Variants in FBXL7 observed in about 807,000 individuals in gnomAD.
The protein encoded by FBXL7 is F-box and leucine rich repeat protein 7.
In FBXL7, 12 loss-of-function variants were observed where a neutral mutation model predicts 38.3. That is an observed-to-expected ratio of 0.31 (90% CI 0.20 to 0.51). The LOEUF is 0.51. Among genes scored for constraint, FBXL7 ranks in the 20% least tolerant of loss-of-function variants. The probability of loss-of-function intolerance (pLI) is 0.98; values close to 1 mark genes in which losing one functional copy is unlikely to be tolerated. For synonymous variants in FBXL7, 297 were observed against 300.9 expected (o/e 0.99, Z 0.13); for missense variants, 567 against 676.4 (o/e 0.84, Z 1.79).
intron 2 of FBXL7, among the ~76,000 whole-genome samples, chr5:15,620,819 G>A (rs951491510): frequency 1.3e-5 from 2 of 152,202 alleles, no homozygotes; most frequent in African/African-American, 4.8e-5. Context: ...TTGTGAGATT[G>A]TAGAGTCATG....
rs541575618 is a variant in FBXL7 at position 15,604,183 on chromosome 5, A to G, written c.38-11800A>G. ...CTCTGTCTCCAAAAAAATAAAAGGG[A>G]GGACTGTGTGAAAGTCATGTTCTTT... On this transcript the variant is annotated intron_variant, in intron 1 of 3. Coordinates refer to ENST00000504595, the MANE Select transcript of FBXL7 (RefSeq NM_012304.5). Among the ~76,000 whole-genome samples the G allele has an allele frequency of 5.3e-5, 8 of 152,214 alleles. No individual in the cohort carries two copies. In the South Asian group the frequency reaches 1.7e-3, roughly 32 times the overall value.
intron 2 of FBXL7, among the ~76,000 whole-genome samples, chr5:15,740,649 T>C (rs1735872114): frequency 6.6e-6 from 1 of 152,202 alleles, no homozygotes; most frequent in South Asian, 2.1e-4. Flanking sequence ...TGCTGGCAAA[T>C]GGTTGTGTTT....
intron 2 of FBXL7, among the ~76,000 whole-genome samples, chr5:15,651,088 C>CTTT (rs547135923): frequency 7.0e-6 from 1 of 142,134 alleles, no homozygotes. Flanking sequence ...AAACATACTT[C>CTTT]TTTTTTTTTT....
intron 1 of FBXL7, among the ~76,000 whole-genome samples, chr5:15,524,248 A>G (rs1580351200): frequency 6.6e-6 from 1 of 152,226 alleles, no homozygotes; most frequent in Admixed American, 6.5e-5. Flanking sequence ...AGGATTGATG[A>G]CATTGACCAT....
chr5:15,913,440 A>G (rs1741497058), intron 2 of FBXL7, among the ~76,000 whole-genome samples: 1 of 152,162 alleles, frequency 6.6e-6, no homozygotes, highest in Non-Finnish European at 1.5e-5. Context: ...CTAATTACTT[A>G]TTGATCTTTT....
rs35242245 is a variant in FBXL7 at position 15,630,853 on chromosome 5, ATT to A, written c.127+14791_127+14792del. Among the ~76,000 whole-genome samples the A allele has an allele frequency of 3.4e-3, 503 of 149,582 alleles. 3 individuals are homozygous for A. Among genetic ancestry groups the A allele is most frequent in the African/African-American group, 0.011 (445 of 40,932 alleles). ...AAAGCTGTGAAACAAAAATTTTGAG[ATT>A]TTTTTTTTTGCTTTCATTTATGTGT... is the stretch of plus-strand genomic sequence containing the variant. On this transcript the variant is annotated intron_variant, in intron 2 of 3. Coordinates refer to ENST00000504595, the MANE Select transcript of FBXL7 (RefSeq NM_012304.5).
intron 2 of FBXL7, among the ~76,000 whole-genome samples, chr5:15,646,921 C>A (rs544778942): frequency 1.3e-5 from 2 of 152,296 alleles, no homozygotes; most frequent in African/African-American, 4.8e-5. Context: ...AAGAAGTAGA[C>A]TGGCCAGAGA....
intron 2 of FBXL7, among the ~76,000 whole-genome samples, chr5:15,923,263 T>C (rs1250818236): frequency 2.0e-5 from 3 of 152,244 alleles, no homozygotes; most frequent in Non-Finnish European, 4.4e-5. Context: ...AGAAAAAAAC[T>C]GTGTACAAAG....
At chr5:15,869,213 T>C (rs1168739108) in intron 2 of FBXL7, among the ~76,000 whole-genome samples, 4 of 152,122 alleles carry the variant, frequency 2.6e-5, no homozygotes, top group Non-Finnish European at 5.9e-5. Flanking sequence ...TGATATCCCA[T>C]CACTTTGCCT....
chr5:15,840,659 C>T (rs952637831), intron 2 of FBXL7, among the ~76,000 whole-genome samples: 2 of 151,986 alleles, frequency 1.3e-5, no homozygotes, highest in African/African-American at 4.8e-5. Flanking sequence ...CCATCCTGGC[C>T]AGCGTGGTGA....
chr5:15,615,548 G>A (rs1740417271), intron 1 of FBXL7, among the ~76,000 whole-genome samples: 2 of 152,206 alleles, frequency 1.3e-5, no homozygotes, highest in East Asian at 3.9e-4. Context: ...ATGTGACGCA[G>A]CTATTTGGAG....
At chr5:15,853,846 G>A (rs901343731) in intron 2 of FBXL7, among the ~76,000 whole-genome samples, 1 of 152,184 alleles carries the variant, frequency 6.6e-6, no homozygotes, top group African/African-American at 2.4e-5. Flanking sequence ...CAGTGCAGTA[G>A]CTTTGTGGAG....
intron 2 of FBXL7, among the ~76,000 whole-genome samples, chr5:15,637,836 C>G (rs774428663): frequency 6.6e-6 from 1 of 152,294 alleles, no homozygotes; most frequent in Non-Finnish European, 1.5e-5. Flanking sequence ...TGCAGCCCAG[C>G]AAAAGCGATG....
chr5:15,644,304 C>CAAAAAAAAAAAA (rs369213583), intron 2 of FBXL7, among the ~76,000 whole-genome samples: 2 of 94,804 alleles, frequency 2.1e-5, no homozygotes, highest in Admixed American at 1.2e-4. Flanking sequence ...ACTAAAAATC[C>CAAAAAAAAAAAA]AAAAAAAAAA....
chr5:15,740,540 G>C (rs1735869020), intron 2 of FBXL7, among the ~76,000 whole-genome samples: 1 of 152,116 alleles, frequency 6.6e-6, no homozygotes, highest in Non-Finnish European at 1.5e-5. Context: ...AACTACATTT[G>C]ATGCAACTGG....
At position 15,640,946 on chromosome 5, in the gene FBXL7, G is replaced by T. The variant is rs1171136451; in HGVS notation, c.127+24874G>T. 2.0e-5 allele frequency among the ~76,000 whole-genome samples: 3 copies of T among 152,168 alleles called. No homozygotes were observed. In the East Asian group the frequency reaches 5.8e-4, roughly 29 times the overall value. On this transcript the variant is annotated intron_variant, in intron 2 of 3. Transcript: ENST00000504595. The stretch of plus-strand genomic sequence containing the variant: ...CACCTGCATCACCAGGGTAAGAGGA[G>T]CCCGTGTAGCTTAAGGACATGCTGC...
intron 1 of FBXL7, among the ~76,000 whole-genome samples, chr5:15,552,701 G>A (rs1479169531): frequency 6.6e-6 from 1 of 152,164 alleles, no homozygotes; most frequent in Non-Finnish European, 1.5e-5. Context: ...ACTGTGGCAG[G>A]CATGATATTT....
At chr5:15,583,495 A>C (rs1739209637) in intron 1 of FBXL7, among the ~76,000 whole-genome samples, 1 of 152,210 alleles carries the variant, frequency 6.6e-6, no homozygotes, top group African/African-American at 2.4e-5. Flanking sequence ...ATGGGGGTGC[A>C]GGCATTGGGT....
At chr5:15,803,693 G>A (rs535477746) in intron 2 of FBXL7, among the ~76,000 whole-genome samples, 3 of 152,068 alleles carry the variant, frequency 2.0e-5, no homozygotes, top group South Asian at 4.2e-4. Flanking sequence ...TTTCTCCAAA[G>A]GCTTGATTAT....
Sources: allele counts gnomAD v4.1 joint callset (sites outside exome capture counted in the v4.1 genomes callset), GRCh38; gene constraint gnomAD v4.1.1; transcripts MANE v1.5; gene names NCBI Gene and HGNC (gene_info 2026-07-23, HGNC 2026-07-21).